PDE8A: variants seen among roughly 807,000 people sequenced by gnomAD.
PDE8A encodes the protein high affinity cAMP-specific and IBMX-insensitive 3',5'-cyclic phosphodiesterase 8A.
Under a neutral mutation model 105.0 loss-of-function variants are expected in PDE8A, and 59 were observed. The observed-to-expected ratio is 0.56, with a 90% confidence interval of 0.46 to 0.70. PDE8A has a LOEUF of 0.70. Ranked by LOEUF, PDE8A falls within the 30% of genes least tolerant of loss-of-function variation. The pLI is 0.00. For missense variants in PDE8A, 1,014 were observed against 1,045.9 expected (o/e 0.97, Z 0.42); for synonymous variants, 355 against 371.9 (o/e 0.95, Z 0.52).
chr15:85,083,967 A>G (rs2081508187), intron 6 of PDE8A, among the ~76,000 whole-genome samples: 1 of 152,086 alleles, frequency 6.6e-6, no homozygotes, highest in African/African-American at 2.4e-5. Context: ...CACCCCCCCA[A>G]TCTATTAACA....
chr15:85,022,731 T>G (rs2080449622), intron 1 of PDE8A, among the ~76,000 whole-genome samples: 3 of 151,832 alleles, frequency 2.0e-5, no homozygotes, highest in Admixed American at 1.3e-4. Flanking sequence ...TTTTGTATTT[T>G]TGGTAGAGAC....
intron 1 of PDE8A, among the ~76,000 whole-genome samples, chr15:84,990,324 T>C (rs956800357): frequency 6.6e-6 from 1 of 152,242 alleles, no homozygotes; most frequent in Non-Finnish European, 1.5e-5. Context: ...TATGAATCTC[T>C]GTCAAGATAC....
At chr15:85,085,364 C>G (rs2081534408) in intron 6 of PDE8A, among the ~76,000 whole-genome samples, 3 of 152,176 alleles carry the variant, frequency 2.0e-5, no homozygotes. Context: ...AAAGCTGTAA[C>G]AAGCAGGGGT....
intron 1 of PDE8A, among the ~76,000 whole-genome samples, chr15:84,986,274 G>A (rs905803055): frequency 1.1e-4 from 16 of 152,150 alleles, no homozygotes; most frequent in African/African-American, 3.9e-4. Context: ...CAGCTAAGGT[G>A]ATAGATAATA....
intron 1 of PDE8A, among the ~76,000 whole-genome samples, chr15:85,011,850 G>GA (rs1465610807): frequency 3.3e-5 from 5 of 151,604 alleles, no homozygotes; most frequent in East Asian, 3.9e-4. Context: ...AAATTTACAA[G>GA]AAAAAAAACA....
At chr15:85,074,177 G>A (rs989981355) in intron 3 of PDE8A, among the ~76,000 whole-genome samples, 1 of 152,170 alleles carries the variant, frequency 6.6e-6, no homozygotes, top group Non-Finnish European at 1.5e-5. Context: ...TGCATGTGTT[G>A]TTAGATTCAG....
At chr15:85,130,061 G>T (rs945479207) in intron 20 of PDE8A, among the ~76,000 whole-genome samples, 4 of 152,182 alleles carry the variant, frequency 2.6e-5, no homozygotes, top group African/African-American at 4.8e-5. Flanking sequence ...ACTAACATCT[G>T]CTCAGCTTCC....
At chr15:85,062,093 T>C (rs2081155098) in intron 1 of PDE8A, among the ~76,000 whole-genome samples, 1 of 152,230 alleles carries the variant, frequency 6.6e-6, no homozygotes, top group Non-Finnish European at 1.5e-5. Flanking sequence ...ATTAGGTATC[T>C]TTCAGGGATG....
intron 1 of PDE8A, among the ~76,000 whole-genome samples, chr15:84,991,621 G>C (rs2079886706): frequency 6.6e-6 from 1 of 152,106 alleles, no homozygotes; most frequent in Admixed American, 6.5e-5. Flanking sequence ...TATCTTTACT[G>C]GAAACATGTA....
intron 20 of PDE8A, among the ~76,000 whole-genome samples, chr15:85,131,483 G>GTTGGT (rs2141649779): frequency 6.6e-6 from 1 of 152,296 alleles, no homozygotes; most frequent in East Asian, 1.9e-4. Context: ...AGTTACAACA[G>GTTGGT]TTGGTTTTGA....
intron 3 of PDE8A, among the ~76,000 whole-genome samples, chr15:85,073,485 C>G (rs1304735851): frequency 6.6e-6 from 1 of 152,192 alleles, no homozygotes; most frequent in Non-Finnish European, 1.5e-5. Flanking sequence ...GCTTCTCATT[C>G]TTGTGTCTCC....
intron 1 of PDE8A, among the ~76,000 whole-genome samples, chr15:85,049,704 C>G (rs376654419): frequency 6.6e-6 from 1 of 152,208 alleles, no homozygotes; most frequent in East Asian, 1.9e-4. Flanking sequence ...CACGCCACCA[C>G]TCCTGGCTTT....
chr15:85,113,191 C>T (rs1162964197), intron 12 of PDE8A, among the ~76,000 whole-genome samples, 186 bp from the exon 13 acceptor site: 1 of 152,112 alleles, frequency 6.6e-6, no homozygotes, highest in African/African-American at 2.4e-5. Context: ...CATTCTAGTG[C>T]CTAGAACTGA....
At chr15:85,024,930 G>T (rs534175602) in intron 1 of PDE8A, among the ~76,000 whole-genome samples, 1 of 152,290 alleles carries the variant, frequency 6.6e-6, no homozygotes, top group Admixed American at 6.5e-5. Flanking sequence ...GAAACTCAAT[G>T]ATCTGTGTGC....
intron 3 of PDE8A, among the ~76,000 whole-genome samples, chr15:85,074,235 AGGCAAGAATG>A (rs1315550174): frequency 5.9e-5 from 9 of 152,220 alleles, no homozygotes; most frequent in African/African-American, 2.4e-5. Context: ...GAATCCCTAC[AGGCAAGAATG>A]GGCAAAGGAG....
At position 84,982,147 on chromosome 15, in the gene PDE8A, C is replaced by G. The variant is rs2079721681; in HGVS notation, c.-16C>G. On this transcript the variant is annotated 5_prime_UTR_variant, in exon 1 of 22. Coordinates refer to ENST00000394553, the MANE Select transcript of PDE8A (RefSeq NM_002605.3). Reference sequence around the variant, plus strand: ...TCGCGGCTACCCGCCAGCGTGTCCGCGGCGCCGCCGCCAGCATGGGCTGTG... The same window carrying G: ...TCGCGGCTACCCGCCAGCGTGTCCGGGGCGCCGCCGCCAGCATGGGCTGTG... 1 of 1,320,226 alleles carries G rather than the reference C, an allele frequency of 7.6e-7. No homozygotes were observed. 81.8% of individuals were successfully genotyped at this position (1,320,226 alleles called of 1,614,324 possible). A position where few individuals can be genotyped will look rare whatever the true frequency, so the allele number is the denominator to read the frequency against.
chr15:85,024,808 C>G (rs957248738), intron 1 of PDE8A, among the ~76,000 whole-genome samples: 6 of 152,168 alleles, frequency 3.9e-5, no homozygotes, highest in African/African-American at 1.4e-4. Flanking sequence ...GTGTCTCATG[C>G]TGGTGTTTGT....
chr15:85,078,548 CAAAAAAAAAA>C (rs72174562), intron 5 of PDE8A, among the ~76,000 whole-genome samples: 3 of 94,346 alleles, frequency 3.2e-5, no homozygotes, highest in Admixed American at 2.9e-4. Flanking sequence ...TACTCCATCT[CAAAAAAAAAA>C]AAAAAAAAAA....
chr15:84,999,840 C>G (rs1484524208), intron 1 of PDE8A, among the ~76,000 whole-genome samples: 4 of 152,216 alleles, frequency 2.6e-5, no homozygotes, highest in Admixed American at 2.0e-4. Flanking sequence ...TCCCAAAGTG[C>G]TGGGATTACA....
Sources: gnomAD v4.1 joint callset for allele counts (sites outside exome capture counted in the v4.1 genomes callset) on GRCh38, gnomAD v4.1.1 for gene constraint, MANE v1.5 for transcripts, NCBI Gene and HGNC (gene_info 2026-07-23, HGNC 2026-07-21) for gene names.